CDH13: variants seen among roughly 807,000 people sequenced by gnomAD.
CDH13 encodes cadherin-13.
CDH13 carries 24 observed loss-of-function variants against 63.8 expected under a neutral mutation model. The ratio of observed to expected loss-of-function variants is 0.38; its 90% CI spans 0.27 to 0.53. The LOEUF is 0.53. Among genes scored for constraint, CDH13 ranks in the 20% least tolerant of loss-of-function variants. The pLI is 0.85. For synonymous variants in CDH13, 503 were observed against 355.3 expected, an observed-to-expected ratio of 1.42 and a Z score of -4.67; for missense variants, 1,049 against 903.1, an observed-to-expected ratio of 1.16 and a Z score of -2.07.
intron 1 of CDH13, among the ~76,000 whole-genome samples, chr16:82,772,552 A>G (rs2035313092): frequency 6.6e-6 from 1 of 152,204 alleles, no homozygotes; most frequent in South Asian, 2.1e-4. Flanking sequence ...CATGCTACGC[A>G]GAAAAAAACC....
rs1909977150 is a variant in CDH13, at chr16:82,645,426, G to C, written c.45+18289G>C. 1.3e-5 allele frequency among the ~76,000 whole-genome samples: 2 copies of C among 152,152 alleles called. 1 individual carries two copies. The highest frequency in any genetic ancestry group is 3.8e-4 in the East Asian group (2 of 5,200). On this transcript the variant is annotated intron_variant, in intron 1 of 13. Coordinates refer to ENST00000567109, the MANE Select transcript of CDH13 (RefSeq NM_001257.5). ...TTGGCTCTCAACTGTTGGGGTGAGG[G>C]GGGTTGTGACCCTCGGGACAGTTTG...
At chr16:83,623,314 G>A (rs74646826) in intron 8 of CDH13, among the ~76,000 whole-genome samples, 10 of 152,078 alleles carry the variant, frequency 6.6e-5, no homozygotes, top group East Asian at 1.9e-4. Flanking sequence ...CACGATTAAC[G>A]GGCTCTCTTT....
At chr16:83,323,961 C>T (rs891552791) in intron 5 of CDH13, among the ~76,000 whole-genome samples, 5 of 152,104 alleles carry the variant, frequency 3.3e-5, no homozygotes, top group East Asian at 3.8e-4. Context: ...ACAATTCACC[C>T]ATTGAAAGTG....
At chr16:82,674,793 A>C (rs1194132750) in intron 1 of CDH13, among the ~76,000 whole-genome samples, 1 of 152,246 alleles carries the variant, frequency 6.6e-6, no homozygotes, top group Non-Finnish European at 1.5e-5. Context: ...ATTTATAATT[A>C]TGGTATGTGT....
At chr16:83,034,661 C>A (rs1213386455) in intron 3 of CDH13, among the ~76,000 whole-genome samples, 2 of 152,158 alleles carry the variant, frequency 1.3e-5, no homozygotes, top group Non-Finnish European at 2.9e-5. Flanking sequence ...GATTGTTCTT[C>A]GTGAATGGTG....
intron 7 of CDH13, among the ~76,000 whole-genome samples, chr16:83,557,153 G>T (rs898642666): frequency 6.6e-6 from 1 of 152,130 alleles, no homozygotes; most frequent in African/African-American, 2.4e-5. Context: ...ATTGTCAACT[G>T]CATGTGAGGG....
intron 6 of CDH13, among the ~76,000 whole-genome samples, chr16:83,417,928 C>G (rs1000576371): frequency 6.6e-6 from 1 of 152,072 alleles, no homozygotes. Flanking sequence ...TTTCCCCTCC[C>G]CAGCCTAGCA....
At chr16:82,831,055 C>G (rs562452895) in intron 1 of CDH13, among the ~76,000 whole-genome samples, 5 of 152,186 alleles carry the variant, frequency 3.3e-5, no homozygotes, top group South Asian at 2.1e-4. Flanking sequence ...GTGCTGCTTC[C>G]CAATGCGTGG....
chr16:82,966,008 G>A (rs1001269276), intron 2 of CDH13, among the ~76,000 whole-genome samples: 3 of 152,166 alleles, frequency 2.0e-5, no homozygotes, highest in Non-Finnish European at 4.4e-5. Flanking sequence ...TCAACGAGTT[G>A]ACCAAGCGTC....
intron 3 of CDH13, among the ~76,000 whole-genome samples, chr16:83,063,150 CAG>C (rs2031717918): frequency 6.6e-6 from 1 of 152,052 alleles, no homozygotes; most frequent in Non-Finnish European, 1.5e-5. Context: ...TTAGTAGAGA[CAG>C]GGTTTCACCA....
intron 6 of CDH13, among the ~76,000 whole-genome samples, chr16:83,416,843 C>G (rs2071563518): frequency 6.6e-6 from 1 of 152,102 alleles, no homozygotes; most frequent in African/African-American, 2.4e-5. Flanking sequence ...CCTAAGGATT[C>G]TCATCAGTAA....
At chr16:83,633,860 C>T (rs924515354) in intron 8 of CDH13, among the ~76,000 whole-genome samples, 1 of 152,070 alleles carries the variant, frequency 6.6e-6, no homozygotes, top group Non-Finnish European at 1.5e-5. Flanking sequence ...TAAAATAGGC[C>T]ATGTGATCCC....
chr16:83,187,513 G>A (rs1307182764), intron 4 of CDH13, among the ~76,000 whole-genome samples: 3 of 151,968 alleles, frequency 2.0e-5, no homozygotes, highest in Admixed American at 6.6e-5. Flanking sequence ...ATACAGCCTG[G>A]CCTGAAGCCT....
intron 4 of CDH13, among the ~76,000 whole-genome samples, chr16:83,180,302 G>GA (rs1167025159): frequency 1.3e-5 from 2 of 151,944 alleles, no homozygotes; most frequent in Non-Finnish European, 1.5e-5. Flanking sequence ...AAATGCAAAT[G>GA]AAAAAATCAG....
chr16:83,622,973 A>G (rs6563947), intron 8 of CDH13, among the ~76,000 whole-genome samples: 19,815 of 152,204 alleles, frequency 0.13, 1,406 homozygotes, highest in African/African-American at 0.19. Flanking sequence ...ACAAGGGTGA[A>G]TCTTACAAAT....
intron 1 of CDH13, among the ~76,000 whole-genome samples, chr16:82,757,781 A>G (rs1049598802): frequency 6.6e-6 from 1 of 151,844 alleles, no homozygotes; most frequent in African/African-American, 2.4e-5. Context: ...AGCTGGGACT[A>G]TAGGCGTGTG....
At chr16:82,890,772 C>G (rs930014305) in intron 2 of CDH13, among the ~76,000 whole-genome samples, 1 of 151,946 alleles carries the variant, frequency 6.6e-6, no homozygotes, top group African/African-American at 2.4e-5. Context: ...CTGCCTCAGC[C>G]TCCCGAATAG....
chr16:83,084,145 T>C (rs1305774331), intron 3 of CDH13, among the ~76,000 whole-genome samples: 1 of 152,194 alleles, frequency 6.6e-6, no homozygotes, highest in African/African-American at 2.4e-5. Context: ...TCACACCCAA[T>C]AAATTGCTTA....
intron 4 of CDH13, among the ~76,000 whole-genome samples, chr16:83,195,532 CA>C (rs2151760133): frequency 6.6e-6 from 1 of 152,176 alleles, no homozygotes; most frequent in Admixed American, 6.5e-5. Context: ...CAGTTTCAAA[CA>C]ACCAGATCTC....
Sources: allele counts gnomAD v4.1 joint callset (sites outside exome capture counted in the v4.1 genomes callset), GRCh38; gene constraint gnomAD v4.1.1; transcripts MANE v1.5; gene names NCBI Gene and HGNC (gene_info 2026-07-23, HGNC 2026-07-21).